The following ANP32E variants were observed in gnomAD, a reference collection of about 807,000 sequenced individuals.
ANP32E encodes acidic nuclear phosphoprotein 32 family member E.
In ANP32E, 14 loss-of-function variants were observed where a neutral mutation model predicts 35.3. That is an observed-to-expected ratio of 0.40 (90% CI 0.26 to 0.62). The LOEUF is 0.62. ANP32E is among the 20% of genes least tolerant of loss of function. ANP32E has a pLI of 0.45. For synonymous variants in ANP32E, 89 were observed against 110.4 expected (o/e 0.81, Z 1.22); for missense variants, 198 against 304.4 (o/e 0.65, Z 2.60).
chr1:150,235,984 A>G lies in ANP32E; in HGVS notation c.-198T>C. ...AGTCCAAGAGTTGGGACTCTAACTC[A>G]GCTGCCCCCACCTCCTTGTCCACAC... On this transcript the variant is annotated 5_prime_UTR_variant, in exon 1 of 7. Transcript: ENST00000583931. The surrounding 1 kb of genome is among the most constrained non-coding windows in gnomAD (Gnocchi z 4.2). 1.7e-6 allele frequency: 1 copy of G among 583,654 alleles called. No individual in the cohort carries two copies. Among genetic ancestry groups the G allele is most frequent in the Non-Finnish European group, 3.1e-6 (1 of 326,456 alleles). The allele number at this position is 583,654 out of a possible 1,614,324, so 36.2% of individuals were successfully genotyped here. A position where few individuals can be genotyped will look rare whatever the true frequency, so the allele number is the denominator to read the frequency against.
At chr1:150,233,282 A>C (rs1649520377) in intron 1 of ANP32E, among the ~76,000 whole-genome samples, 1 of 151,534 alleles carries the variant, frequency 6.6e-6, no homozygotes, top group Non-Finnish European at 1.5e-5. Flanking sequence ...AAAAAAAAAA[A>C]AAAAAACCTA....
chr1:150,232,300 C>G (rs1399678292), intron 1 of ANP32E, among the ~76,000 whole-genome samples: 2 of 135,818 alleles, frequency 1.5e-5, no homozygotes, highest in East Asian at 4.5e-4. Context: ...GCCGAGATCC[C>G]GCCACTGCAC....
intron 1 of ANP32E, among the ~76,000 whole-genome samples, chr1:150,233,022 T>C (rs1649490602): frequency 6.6e-6 from 1 of 151,872 alleles, no homozygotes; most frequent in Admixed American, 6.6e-5. Flanking sequence ...CCCAGCACTT[T>C]GGGAAGCTGA....
rs1649276805 is a variant in ANP32E at position 150,230,589 on chromosome 1, G to A, written c.309C>T (p.Leu103=). 6.2e-7 allele frequency: 1 copy of A among 1,613,492 alleles called. No individual in the cohort carries two copies. The highest frequency in any genetic ancestry group is 8.5e-7 in the Non-Finnish European group (1 of 1,179,732). ...LNLSGNKIKD[L]STVEALQNLK... ...CACTTACCAGAGCTTCTACTGTACTGAGATCTTTTATTTTGTTTCCACTCA... is the reference window on the plus strand; with the variant it reads ...CACTTACCAGAGCTTCTACTGTACTAAGATCTTTTATTTTGTTTCCACTCA... Residue 103 remains leucine, a synonymous_variant, in exon 3 of 7, where the codon CTC becomes CTT. Coordinates refer to ENST00000583931, the MANE Select transcript of ANP32E (RefSeq NM_030920.5).
intron 2 of ANP32E, 26 bp from the exon 3 acceptor site, chr1:150,230,719 A>G: frequency 6.3e-7 from 1 of 1,580,420 alleles, no homozygotes; most frequent in Non-Finnish European, 8.6e-7. Flanking sequence ...AGGAAAAAAC[A>G]AAGAATGGTA....
chr1:150,226,920 G>T, intron 4 of ANP32E, 125 bp from the exon 5 acceptor site: 2 of 1,276,938 alleles, frequency 1.6e-6, no homozygotes, highest in Non-Finnish European at 2.1e-6. Flanking sequence ...GTAACTCACA[G>T]CGATACTTTT....
intron 5 of ANP32E, 194 bp from the exon 6 acceptor site, chr1:150,223,434 A>G: frequency 1.7e-6 from 1 of 603,764 alleles, no homozygotes; most frequent in Admixed American, 3.3e-5. Flanking sequence ...TAATCCCAGT[A>G]CTTTGGGAGG....
intron 6 of ANP32E, among the ~76,000 whole-genome samples, chr1:150,222,688 G>C (rs1453241504): frequency 5.9e-5 from 9 of 151,510 alleles, no homozygotes; most frequent in African/African-American, 2.2e-4. Flanking sequence ...AGCCCAAGGA[G>C]ATTGAGACTG....
At position 150,232,823 on chromosome 1, in the gene ANP32E, T is replaced by C. The variant is rs1649473338; in HGVS notation, c.55-897A>G. 2.6e-5 allele frequency among the ~76,000 whole-genome samples: 4 copies of C among 152,278 alleles called. No homozygotes were observed. The South Asian group carries it at 8.3e-4, about 32-fold the overall frequency. On this transcript the variant is annotated intron_variant, in intron 1 of 6. Coordinates refer to ENST00000583931, the MANE Select transcript of ANP32E (RefSeq NM_030920.5). ...AAGTTCAATGCCTGCTTCAAATCAC[T>C]GATGCATAAGAAACAAACTTTGAAG...
At chr1:150,228,726 G>A (rs1222174860) in intron 4 of ANP32E, among the ~76,000 whole-genome samples, 2 of 151,348 alleles carry the variant, frequency 1.3e-5, no homozygotes, top group African/African-American at 4.9e-5. Flanking sequence ...CCGTTCATCA[G>A]TTGATAAACA....
intron 6 of ANP32E, 87 bp downstream of exon 6, chr1:150,223,099 T>G: frequency 3.6e-6 from 5 of 1,400,578 alleles, no homozygotes; most frequent in Non-Finnish European, 3.9e-6. Context: ...GGCTCATTCT[T>G]TAAAGTGTAT....
chr1:150,222,435 TAAATA>T (rs112841535), intron 6 of ANP32E, among the ~76,000 whole-genome samples: 74,403 of 133,288 alleles, frequency 0.56, 22,440 homozygotes, highest in African/African-American at 0.84. Flanking sequence ...AATAAATAAA[TAAATA>T]AAATAAAATA....
intron 1 of ANP32E, among the ~76,000 whole-genome samples, chr1:150,234,237 G>C (rs1166740816): frequency 6.6e-6 from 1 of 152,012 alleles, no homozygotes; most frequent in Non-Finnish European, 1.5e-5. Flanking sequence ...TCCAACCCAA[G>C]CCACCAAAAA....
intron 5 of ANP32E, among the ~76,000 whole-genome samples, chr1:150,224,872 AG>A (rs1270499451): frequency 3.3e-5 from 5 of 152,176 alleles, no homozygotes; most frequent in African/African-American, 1.2e-4. Context: ...CTAAACTCCC[AG>A]GGGCTGTAGA....
In ANP32E at chr1:150,235,588, A is replaced by T; in HGVS notation, c.54+145T>A. The T allele has an allele frequency of 2.3e-6, 2 of 873,918 alleles. No individual in the cohort carries two copies. Among genetic ancestry groups the T allele is most frequent in the Non-Finnish European group, 3.4e-6 (2 of 583,248 alleles). 54.1% of individuals were successfully genotyped at this position (873,918 alleles called of 1,614,324 possible). A position where few individuals can be genotyped will look rare whatever the true frequency, so the allele number is the denominator to read the frequency against. On this transcript the variant is annotated intron_variant, in intron 1 of 6. Coordinates refer to ENST00000583931, the MANE Select transcript of ANP32E (RefSeq NM_030920.5). The surrounding 1 kb of genome is among the most constrained non-coding windows in gnomAD (Gnocchi z 4.2). ...AGAAGATTTTAATGATTTAAAACTT[A>T]AAATTAAACATTTCCCCAACCCTAA... is the stretch of plus-strand genomic sequence containing the variant.
chr1:150,223,351 A>G, intron 5 of ANP32E, 111 bp from the exon 6 acceptor site: 1 of 1,382,454 alleles, frequency 7.2e-7, no homozygotes, highest in South Asian at 1.3e-5. Context: ...CTGTGTTTTG[A>G]CAACCTCTGC....
Position 150,218,923 on chromosome 1 carries a change from T to C in ANP32E, c.*1768A>G, listed in dbSNP as rs1370358883. On this transcript the variant is annotated 3_prime_UTR_variant, in exon 7 of 7. Transcript: ENST00000583931. ...GTATGTAATGAGAATTGTTAGGAAC[T>C]AGAACAGGGAATTTCAGTTTTTAAA... 5 of 152,618 alleles carry C rather than the reference T, an allele frequency of 3.3e-5. No homozygotes were observed. Among genetic ancestry groups the C allele is most frequent in the East Asian group, 1.9e-4 (1 of 5,202 alleles). 9.5% of individuals were successfully genotyped at this position (152,618 alleles called of 1,614,324 possible). A position where few individuals can be genotyped will look rare whatever the true frequency, so the allele number is the denominator to read the frequency against.
chr1:150,233,431 G>C (rs191910838), intron 1 of ANP32E, among the ~76,000 whole-genome samples: 1 of 152,114 alleles, frequency 6.6e-6, no homozygotes, highest in Non-Finnish European at 1.5e-5. Flanking sequence ...AGCCCAGAGG[G>C]TGTTATTGGT....
At chr1:150,229,698 G>A (rs1323807041) in intron 3 of ANP32E, among the ~76,000 whole-genome samples, 4 of 152,162 alleles carry the variant, frequency 2.6e-5, no homozygotes, top group South Asian at 2.1e-4. Flanking sequence ...GGCTGGTCTC[G>A]AACTCCTGAC....
Sources: allele counts gnomAD v4.1 joint callset (sites outside exome capture counted in the v4.1 genomes callset), GRCh38; gene constraint gnomAD v4.1.1; non-coding constraint Gnocchi (gnomAD v3.1); transcripts MANE v1.5; gene names NCBI Gene and HGNC (gene_info 2026-07-23, HGNC 2026-07-21).